Variants in SGMS1 observed in about 807,000 individuals in gnomAD.
SGMS1 encodes phosphatidylcholine:ceramide cholinephosphotransferase 1.
Under a neutral mutation model 46.2 loss-of-function variants are expected in SGMS1, and 13 were observed. The ratio of observed to expected loss-of-function variants is 0.28; its 90% confidence interval spans 0.18 to 0.45. The LOEUF (loss-of-function observed/expected upper bound fraction) is 0.45, where lower values mean the gene tolerates loss of function less well. SGMS1 is among the 20% of genes least tolerant of loss of function. The pLI is 1.00. For synonymous variants in SGMS1, 203 were observed against 187.8 expected, an observed-to-expected ratio of 1.08 and a Z score of -0.66; for missense variants, 324 against 519.9, an observed-to-expected ratio of 0.62 and a Z score of 3.66.
At chr10:50,391,115 A>C (rs1848759152) in intron 6 of SGMS1, among the ~76,000 whole-genome samples, 1 of 152,316 alleles carries the variant, frequency 6.6e-6, no homozygotes, top group East Asian at 1.9e-4. Context: ...CAAAAGACAA[A>C]ACTTTGAAGA....
rs534874395 is a variant in SGMS1, at chr10:50,404,311, A to ATTT, written c.-232+29162_-232+29164dup. ...CATAATCTTGTTTTGTTTTGTTTTG[A>ATTT]TTTTTTTTTTTTTTTTAAAAAGGCC... On this transcript the variant is annotated intron_variant, in intron 6 of 10. Coordinates refer to ENST00000361781, the MANE Select transcript of SGMS1 (RefSeq NM_147156.4). 8.4e-5 allele frequency among the ~76,000 whole-genome samples: 12 copies of ATTT among 142,886 alleles called. No individual in the cohort carries two copies. The East Asian group carries it at 1.6e-3, about 19-fold the overall frequency. The allele number at this position is 142,886 out of a possible 152,430, so 93.7% of individuals were successfully genotyped here.
chr10:50,336,065 C>T (rs1847711803), intron 7 of SGMS1: 1 of 152,188 alleles, frequency 6.6e-6, no homozygotes, highest in Non-Finnish European at 1.5e-5. Context: ...AGGTGAGGCA[C>T]AATCTGGGAC....
intron 2 of SGMS1, among the ~76,000 whole-genome samples, chr10:50,560,310 CATATTATTAATATTAT>C (rs1005953364): frequency 1.5e-5 from 2 of 136,036 alleles, no homozygotes; most frequent in Admixed American, 7.6e-5. Flanking sequence ...GCATATATTA[CATATTATTAATATTAT>C]ATATTATTAA....
chr10:50,363,631 T>A (rs1337153599), intron 6 of SGMS1, among the ~76,000 whole-genome samples: 1 of 152,150 alleles, frequency 6.6e-6, no homozygotes, highest in African/African-American at 2.4e-5. Flanking sequence ...AAAGTGAAAG[T>A]TGCAAAAAGA....
At chr10:50,521,557 T>C (rs956628456) in intron 2 of SGMS1, among the ~76,000 whole-genome samples, 1 of 152,204 alleles carries the variant, frequency 6.6e-6, no homozygotes, top group African/African-American at 2.4e-5. Context: ...CAGGGTCAGA[T>C]ACTGCATTTA....
chr10:50,363,063 A>G (rs945933741), intron 6 of SGMS1, among the ~76,000 whole-genome samples: 1 of 152,222 alleles, frequency 6.6e-6, no homozygotes, highest in African/African-American at 2.4e-5. Flanking sequence ...TAAAAAACTG[A>G]ATCCAGTTAA....
chr10:50,549,469 C>T (rs1838130462), intron 2 of SGMS1, among the ~76,000 whole-genome samples: 2 of 152,096 alleles, frequency 1.3e-5, no homozygotes, highest in Admixed American at 6.6e-5. Flanking sequence ...CATGTTCTCA[C>T]TTATAAGTGG....
At chr10:50,406,636 A>G (rs1403675422) in intron 6 of SGMS1, among the ~76,000 whole-genome samples, 1 of 151,856 alleles carries the variant, frequency 6.6e-6, no homozygotes, top group African/African-American at 2.4e-5. Context: ...TGCTATTTCT[A>G]TAGAGTTCTG....
At chr10:50,485,318 A>G (rs7082728) in intron 3 of SGMS1, among the ~76,000 whole-genome samples, 20,036 of 152,164 alleles carry the variant, frequency 0.13, 1,425 homozygotes, top group Middle Eastern at 0.22. Flanking sequence ...AGAATAAAAT[A>G]CCTAGGAATA....
intron 3 of SGMS1, among the ~76,000 whole-genome samples, chr10:50,508,919 T>G (rs1291797720): frequency 6.6e-6 from 1 of 152,210 alleles, no homozygotes; most frequent in East Asian, 1.9e-4. Flanking sequence ...TGGTCCACCC[T>G]GATGGATGGT....
chr10:50,383,662 C>T (rs1848640867), intron 6 of SGMS1, among the ~76,000 whole-genome samples: 1 of 152,010 alleles, frequency 6.6e-6, no homozygotes, highest in Non-Finnish European at 1.5e-5. Context: ...TGTATACTTT[C>T]TCATGTGTTG....
chr10:50,545,148 G>C (rs1031743006), intron 2 of SGMS1, among the ~76,000 whole-genome samples: 1 of 152,120 alleles, frequency 6.6e-6, no homozygotes, highest in African/African-American at 2.4e-5. Context: ...ACTTCAAAGG[G>C]GGAAGCTTTA....
At chr10:50,474,392 G>A (rs1837402267) in intron 3 of SGMS1, 1 of 152,092 alleles carries the variant, frequency 6.6e-6, no homozygotes, top group Non-Finnish European at 1.5e-5. Context: ...CCTATAAGGT[G>A]AGGTCTGTTT....
At chr10:50,461,754 G>T (rs542584954) in intron 4 of SGMS1, among the ~76,000 whole-genome samples, 3 of 152,132 alleles carry the variant, frequency 2.0e-5, no homozygotes, top group South Asian at 2.1e-4. Flanking sequence ...CAACTAACAG[G>T]CTTAATTCTA....
rs74365542 is a variant in SGMS1, at chr10:50,471,415, C to T, written c.-497-4483G>A. Among the ~76,000 whole-genome samples, 405 of 152,190 alleles carry T rather than the reference C, an allele frequency of 2.7e-3. 6 individuals are homozygous for T. In the East Asian group the frequency reaches 0.046, roughly 17 times the overall value. Reference sequence around the variant, plus strand: ...ATGTGGTACCAGGGAGTCATAACACCGAGCTAAAGCACAACATCAACCAAC... The same window carrying T: ...ATGTGGTACCAGGGAGTCATAACACTGAGCTAAAGCACAACATCAACCAAC... On this transcript the variant is annotated intron_variant, in intron 3 of 10. Transcript: ENST00000361781.
At chr10:50,551,482 G>A (rs1458175107) in intron 2 of SGMS1, among the ~76,000 whole-genome samples, 1 of 149,900 alleles carries the variant, frequency 6.7e-6, no homozygotes, top group East Asian at 1.9e-4. Flanking sequence ...AAGAGAAAAG[G>A]GACACTAGGT....
At chr10:50,347,421 C>A (rs544708092) in intron 6 of SGMS1, among the ~76,000 whole-genome samples, 10 of 152,262 alleles carry the variant, frequency 6.6e-5, no homozygotes, top group African/African-American at 2.4e-4. Context: ...TCTCTGACTG[C>A]TTAAAAACCA....
chr10:50,610,256 C>G (rs548191076), intron 1 of SGMS1, among the ~76,000 whole-genome samples: 2 of 152,160 alleles, frequency 1.3e-5, no homozygotes, highest in African/African-American at 4.8e-5. Flanking sequence ...CCATTAGTTC[C>G]TCTAAAAAGA....
chr10:50,369,561 A>G (rs1848401433), intron 6 of SGMS1, among the ~76,000 whole-genome samples: 2 of 151,862 alleles, frequency 1.3e-5, no homozygotes, highest in African/African-American at 4.8e-5. Flanking sequence ...AAAAAAAAAA[A>G]GCAAACAAAA....
Sources: allele counts gnomAD v4.1 joint callset (sites outside exome capture counted in the v4.1 genomes callset), GRCh38; gene constraint gnomAD v4.1.1; transcripts MANE v1.5; gene names NCBI Gene and HGNC (gene_info 2026-07-23, HGNC 2026-07-21).